The following WNK1 variants were observed in gnomAD, a reference collection of about 807,000 sequenced individuals.
WNK1 encodes the protein WNK lysine deficient protein kinase 1.
A neutral mutation model predicts 222.8 loss-of-function variants in WNK1; 38 were observed. The ratio of observed to expected loss-of-function variants is 0.17; its 90% CI spans 0.13 to 0.22. The LOEUF (loss-of-function observed/expected upper bound fraction) is 0.22, where lower values mean the gene tolerates loss of function less well. WNK1 is among the 10% of genes least tolerant of loss of function. WNK1 has a pLI of 1.00. For synonymous variants in WNK1, 1,090 were observed against 1,092.9 expected, an observed-to-expected ratio of 1.00 and a Z score of 0.05; for missense variants, 2,348 against 2,918.4, an observed-to-expected ratio of 0.80 and a Z score of 4.50.
At chr12:865,083 T>C in intron 8 of WNK1, 1 of 1,487,736 alleles carries the variant, frequency 6.7e-7, no homozygotes. Flanking sequence ...ACTGTGTTTT[T>C]CATGTGTGTG....
chr12:877,005 A>C (rs1952679751), intron 9 of WNK1, among the ~76,000 whole-genome samples: 1 of 151,994 alleles, frequency 6.6e-6, no homozygotes, highest in African/African-American at 2.4e-5. Context: ...TTAAAGAAAA[A>C]ATATAAATTA....
intron 1 of WNK1, among the ~76,000 whole-genome samples, chr12:796,415 A>T (rs992398893): frequency 6.6e-6 from 1 of 152,150 alleles, no homozygotes; most frequent in African/African-American, 2.4e-5. Flanking sequence ...GTATTACGCA[A>T]TAAGGAGCTT....
chr12:840,762 G>C (rs940518788), intron 4 of WNK1, among the ~76,000 whole-genome samples: 1 of 152,172 alleles, frequency 6.6e-6, no homozygotes, highest in Non-Finnish European at 1.5e-5. Context: ...ACTGATCTAC[G>C]AAAGTAGTGG....
In WNK1 at chr12:908,612, A is replaced by G; in HGVS notation, c.6969A>G (p.Pro2323=). ...LGHFTKSMCP[P]QQYGFPATPF... ...ACTTCACCAAGTCTATGTGCCCCCCACAGCAGTATGGCTTTCCAGCTACCC... is the reference window on the plus strand; with the variant it reads ...ACTTCACCAAGTCTATGTGCCCCCCGCAGCAGTATGGCTTTCCAGCTACCC... Residue 2323 remains proline, a synonymous_variant, in exon 28 of 28, where the codon CCA becomes CCG. Coordinates refer to ENST00000315939, the MANE Select transcript of WNK1 (RefSeq NM_018979.4). The G allele has an allele frequency of 6.2e-7, 1 of 1,614,086 alleles. No homozygotes were observed. The highest frequency in any genetic ancestry group is 1.1e-5 in the South Asian group (1 of 91,078).
chr12:844,397 A>G (rs1036438852), intron 4 of WNK1, among the ~76,000 whole-genome samples: 12 of 152,076 alleles, frequency 7.9e-5, no homozygotes, highest in Non-Finnish European at 1.3e-4. Flanking sequence ...CGGCCTCCCA[A>G]AGTTCTGGGA....
intron 27 of WNK1, chr12:908,244 G>GT (rs1955866156): frequency 1.3e-6 from 1 of 788,430 alleles, no homozygotes; most frequent in African/African-American, 1.7e-5. Flanking sequence ...TTTCTTCTTC[G>GT]TTTTTCCTTC....
chr12:895,922 A>G, intron 23 of WNK1, 149 bp from the exon 24 acceptor site: 1 of 974,544 alleles, frequency 1.0e-6, no homozygotes, highest in Non-Finnish European at 1.5e-6. Flanking sequence ...TTTTCTTCCT[A>G]GTCAAAAGTG....
chr12:911,233 G>A lies in WNK1; in HGVS notation c.*2441G>A. ...TCTTTTTCCACATTAAAAACTTTCT[G>A]AATTATAAATGTTTTCCTTACATTA... On this transcript the variant is annotated 3_prime_UTR_variant, in exon 28 of 28. Transcript: ENST00000315939. 1 of 398,394 alleles carries A rather than the reference G, an allele frequency of 2.5e-6. No individual in the cohort carries two copies. Among genetic ancestry groups the A allele is most frequent in the Non-Finnish European group, 4.4e-6 (1 of 225,998 alleles). The allele number at this position is 398,394 out of a possible 1,614,324, so 24.7% of individuals were successfully genotyped here.
In WNK1 at chr12:884,333, G is replaced by T; in HGVS notation, c.3844+90G>T. On this transcript the variant is annotated intron_variant, in intron 18 of 27. Transcript: ENST00000315939. This position sits in a 1 kb window ranked among gnomAD's most constrained non-coding sequence, Gnocchi z 5.6. ...TAATCATAAAGCAGTAATTTATGATGACACAGATAATAAAAAAGAATAGAA... is the reference window on the plus strand; with the variant it reads ...TAATCATAAAGCAGTAATTTATGATTACACAGATAATAAAAAAGAATAGAA... 6.4e-7 allele frequency: 1 copy of T among 1,550,628 alleles called. No homozygotes were observed. Among genetic ancestry groups the T allele is most frequent in the Non-Finnish European group, 8.9e-7 (1 of 1,126,502 alleles).
At chr12:868,604 G>T (rs1312799310) in intron 8 of WNK1, 2 of 1,614,008 alleles carry the variant, frequency 1.2e-6, no homozygotes, top group East Asian at 2.2e-5. Context: ...TCATAACAAT[G>T]AGAGCAGAAG....
chr12:758,373 C>CTTTTTTTTTTT lies in WNK1; in HGVS notation c.759+4064_759+4074dup, dbSNP rs397957357. 5.9e-4 allele frequency among the ~76,000 whole-genome samples: 38 copies of CTTTTTTTTTTT among 64,728 alleles called. 1 individual carries two copies. The highest frequency in any genetic ancestry group is 8.1e-4 in the Non-Finnish European group (30 of 36,998). 42.5% of individuals were successfully genotyped at this position (64,728 alleles called of 152,430 possible). On this transcript the variant is annotated intron_variant, in intron 1 of 27. Coordinates refer to ENST00000315939, the MANE Select transcript of WNK1 (RefSeq NM_018979.4). ...CATCATTTATTTCTTTGCTATAGTT[C>CTTTTTTTTTTT]TTTTTTTTTTTTTTTTTTTTTTTTT...
chr12:877,786 G>A (rs943535458), intron 9 of WNK1, among the ~76,000 whole-genome samples: 1 of 152,124 alleles, frequency 6.6e-6, no homozygotes, highest in African/African-American at 2.4e-5. Context: ...TGATAAAATA[G>A]GGTAAGGAAA....
chr12:895,548 T>C (rs1954664833), intron 23 of WNK1, among the ~76,000 whole-genome samples: 1 of 152,176 alleles, frequency 6.6e-6, no homozygotes, highest in African/African-American at 2.4e-5. Flanking sequence ...AGCCTCTGCC[T>C]CCCGGGTTTA....
rs34926557 is a variant in WNK1, at chr12:881,080, TC to T, written c.3111+85del. On this transcript the variant is annotated intron_variant, in intron 12 of 27. Transcript: ENST00000315939. Reference sequence around the variant, plus strand: ...AATGATAAAGGAGAAAGAAACAGGCTCCCCTGGTTTAGAACTTATTTGGAGA... The same window carrying T: ...AATGATAAAGGAGAAAGAAACAGGCTCCCTGGTTTAGAACTTATTTGGAGA... The T allele has an allele frequency of 3.2e-6, 5 of 1,567,944 alleles. No individual in the cohort carries two copies. The African/African-American group carries it at 5.4e-5, about 17-fold the overall frequency.
chr12:823,842 G>A (rs142087264), intron 2 of WNK1, among the ~76,000 whole-genome samples: 1 of 151,432 alleles, frequency 6.6e-6, no homozygotes, highest in Non-Finnish European at 1.5e-5. Flanking sequence ...CTTCAATGTG[G>A]TTGGGCAAAA....
At chr12:775,016 T>C (rs1942942959) in intron 1 of WNK1, among the ~76,000 whole-genome samples, 1 of 152,176 alleles carries the variant, frequency 6.6e-6, no homozygotes, top group South Asian at 2.1e-4. Flanking sequence ...TGTTTTTCTT[T>C]TTTTCATTTA....
Position 871,279 on chromosome 12 carries a change from C to G in WNK1, c.2154C>G (p.Ser718Arg). Residue 718 changes from serine (S) to arginine (R), a missense_variant, in exon 9 of 28, where the codon AGC becomes AGG. Around this residue, in one of 13 missense-constraint regions of WNK1, gnomAD observed 547 missense variants for 558.3 expected, o/e 0.98. Transcript: ENST00000315939. ...CTTTCCTTCAGGCACAGGGGCAGAGCCAGGGTCAGCCATCCTCAAGTAGCT... is the reference window on the plus strand; with the variant it reads ...CTTTCCTTCAGGCACAGGGGCAGAGGCAGGGTCAGCCATCCTCAAGTAGCT... ...YPPSSVAQGQ[S>R]QGQPSSSSLT... 1 of 1,614,148 alleles carries G rather than the reference C, an allele frequency of 6.2e-7. No homozygotes were observed. The highest frequency in any genetic ancestry group is 8.5e-7 in the Non-Finnish European group (1 of 1,180,006).
At chr12:826,744 G>A (rs1257761099) in intron 2 of WNK1, among the ~76,000 whole-genome samples, 1 of 152,104 alleles carries the variant, frequency 6.6e-6, no homozygotes, top group Non-Finnish European at 1.5e-5. Flanking sequence ...GAAATATTTA[G>A]CTGATATAGC....
intron 4 of WNK1, among the ~76,000 whole-genome samples, chr12:836,107 C>T (rs1949160206): frequency 6.6e-6 from 1 of 152,120 alleles, no homozygotes; most frequent in Non-Finnish European, 1.5e-5. Context: ...GGTACTAATA[C>T]AATCTGACTT....
Sources: gnomAD v4.1 joint callset for allele counts (sites outside exome capture counted in the v4.1 genomes callset) on GRCh38, gnomAD v4.1.1 for gene constraint, gnomAD v4.1.1 regional missense constraint, Gnocchi (gnomAD v3.1) non-coding constraint, MANE v1.5 for transcripts, NCBI Gene and HGNC (gene_info 2026-07-23, HGNC 2026-07-21) for gene names.